The following LPAR3 variants were observed in gnomAD, a reference collection of about 807,000 sequenced individuals.
The protein encoded by LPAR3 is LPA receptor 3.
LPAR3 carries 7 observed loss-of-function variants against 17.8 expected under a neutral mutation model. The ratio of observed to expected loss-of-function variants is 0.39; its 90% CI spans 0.22 to 0.74. LPAR3 has a LOEUF of 0.74. LPAR3 is among the 30% of genes least tolerant of loss of function. LPAR3 has a pLI of 0.40. For missense variants in LPAR3, 391 were observed against 453.4 expected, an observed-to-expected ratio of 0.86 and a Z score of 1.25; for synonymous variants, 179 against 179.9, an observed-to-expected ratio of 0.99 and a Z score of 0.04.
At chr1:84,819,511 C>A (rs1244850394) in intron 2 of LPAR3, among the ~76,000 whole-genome samples, 1 of 152,100 alleles carries the variant, frequency 6.6e-6, no homozygotes, top group Non-Finnish European at 1.5e-5. Flanking sequence ...CCTATTTCTC[C>A]ATGCTGACCC....
chr1:84,864,390 A>G (rs1660001157), intron 2 of LPAR3, among the ~76,000 whole-genome samples: 1 of 152,198 alleles, frequency 6.6e-6, no homozygotes, highest in Non-Finnish European at 1.5e-5. Flanking sequence ...TAGGATATAA[A>G]TAACTCCCAC....
At chr1:84,876,608 G>A (rs569754265) in intron 1 of LPAR3, among the ~76,000 whole-genome samples, 1 of 151,982 alleles carries the variant, frequency 6.6e-6, no homozygotes, top group Non-Finnish European at 1.5e-5. Flanking sequence ...TCTCTTGTTG[G>A]TTTCTACGAT....
chr1:84,874,869 C>T (rs1020035199), intron 1 of LPAR3, among the ~76,000 whole-genome samples: 1 of 151,066 alleles, frequency 6.6e-6, no homozygotes, highest in African/African-American at 2.4e-5. Flanking sequence ...ATTTCAGTAG[C>T]TTTACTGTTT....
intron 2 of LPAR3, among the ~76,000 whole-genome samples, chr1:84,847,003 T>C (rs2102757021): frequency 6.6e-6 from 1 of 152,284 alleles, no homozygotes; most frequent in African/African-American, 2.4e-5. Context: ...AGAAATTATA[T>C]CTTATGTTCC....
intron 1 of LPAR3, among the ~76,000 whole-genome samples, chr1:84,891,458 G>T (rs80123147): frequency 6.6e-6 from 1 of 152,134 alleles, no homozygotes; most frequent in Non-Finnish European, 1.5e-5. Flanking sequence ...TTGCTCGCTC[G>T]TCTTTTTAGT....
At chr1:84,859,826 C>T (rs1659903117) in intron 2 of LPAR3, among the ~76,000 whole-genome samples, 1 of 152,202 alleles carries the variant, frequency 6.6e-6, no homozygotes, top group Non-Finnish European at 1.5e-5. Flanking sequence ...AAAGCAAAGT[C>T]CAGCCCATTT....
intron 2 of LPAR3, among the ~76,000 whole-genome samples, chr1:84,861,678 G>T (rs1043594253): frequency 1.3e-5 from 2 of 152,156 alleles, no homozygotes; most frequent in African/African-American, 4.8e-5. Flanking sequence ...ACACCACCTA[G>T]CTCTTGAGTT....
At chr1:84,852,153 C>T (rs753131313) in intron 2 of LPAR3, among the ~76,000 whole-genome samples, 7 of 151,108 alleles carry the variant, frequency 4.6e-5, no homozygotes, top group East Asian at 3.9e-4. Flanking sequence ...TGGGCCCAAG[C>T]GATTTTCCTG....
intron 2 of LPAR3, among the ~76,000 whole-genome samples, chr1:84,852,179 C>T (rs1165938069): frequency 6.6e-6 from 1 of 151,576 alleles, no homozygotes; most frequent in African/African-American, 2.4e-5. Context: ...GCCTCCCGGG[C>T]CCAAGCGATT....
At chr1:84,873,576 T>C (rs1660197935) in intron 1 of LPAR3, among the ~76,000 whole-genome samples, 1 of 152,188 alleles carries the variant, frequency 6.6e-6, no homozygotes, top group African/African-American at 2.4e-5. Flanking sequence ...TCTGATATTC[T>C]TGGATAAAGC....
chr1:84,818,822 T>C (rs772927926), intron 2 of LPAR3, among the ~76,000 whole-genome samples: 1 of 152,242 alleles, frequency 6.6e-6, no homozygotes, highest in Non-Finnish European at 1.5e-5. Context: ...ATTGTTTAGA[T>C]TGATCTGTTT....
intron 2 of LPAR3, among the ~76,000 whole-genome samples, chr1:84,836,777 G>A (rs983857289): frequency 6.6e-6 from 1 of 152,028 alleles, no homozygotes; most frequent in African/African-American, 2.4e-5. Flanking sequence ...AGAAGACTAA[G>A]GCTAAGTAAA....
intron 1 of LPAR3, among the ~76,000 whole-genome samples, chr1:84,891,568 T>C (rs1365584911): frequency 2.0e-5 from 3 of 152,356 alleles, no homozygotes; most frequent in South Asian, 2.1e-4. Flanking sequence ...CTCTGTTTAC[T>C]GGACTCAGGC....
intron 2 of LPAR3, among the ~76,000 whole-genome samples, chr1:84,817,260 A>AACACACAC (rs1553146252): frequency 1.5e-5 from 1 of 64,648 alleles, no homozygotes; most frequent in African/African-American, 9.6e-5. Flanking sequence ...TCCAGGATCT[A>AACACACAC]TCACACACAC....
chr1:84,817,553 C>T lies in LPAR3; in HGVS notation c.737-3382G>A, dbSNP rs371361269. Among the ~76,000 whole-genome samples the T allele has an allele frequency of 1.1e-3, 160 of 152,206 alleles. 3 individuals are homozygous for T. In the South Asian group the frequency reaches 0.026, roughly 25 times the overall value. On this transcript the variant is annotated intron_variant, in intron 2 of 2. Transcript: ENST00000370611. The stretch of plus-strand genomic sequence containing the variant: ...AACAGCTGTTTCCCAGGGTCACTGC[C>T]GGGGAGCATCTGCTTAAGGCAACAT...
intron 2 of LPAR3, among the ~76,000 whole-genome samples, chr1:84,864,999 C>A (rs1396588958): frequency 2.6e-5 from 4 of 151,982 alleles, no homozygotes; most frequent in Non-Finnish European, 4.4e-5. Flanking sequence ...CCCCAGACAC[C>A]AGTATGGTTC....
Position 84,880,445 on chromosome 1 carries a change from T to C in LPAR3, c.-19+12571A>G, listed in dbSNP as rs147883123. On this transcript the variant is annotated intron_variant, in intron 1 of 2. Coordinates refer to ENST00000370611, the MANE Select transcript of LPAR3 (RefSeq NM_012152.3). ...CCGTGTAGCTCCAAAGAGTAGAAAA[T>C]AGTATTACCACTTGCAGCCTATCTC... is the stretch of plus-strand genomic sequence containing the variant. Among the ~76,000 whole-genome samples the C allele has an allele frequency of 1.1e-4, 17 of 152,100 alleles. 1 individual carries two copies. Among genetic ancestry groups the C allele is most frequent in the South Asian group, 8.3e-4 (4 of 4,806 alleles).
chr1:84,823,649 C>G (rs1206696534), intron 2 of LPAR3, among the ~76,000 whole-genome samples: 1 of 152,292 alleles, frequency 6.6e-6, no homozygotes, highest in South Asian at 2.1e-4. Context: ...CCAGCTAGAA[C>G]CACTGCCTAG....
intron 1 of LPAR3, among the ~76,000 whole-genome samples, chr1:84,869,171 G>A (rs1469243157): frequency 2.0e-5 from 3 of 152,040 alleles, no homozygotes; most frequent in Admixed American, 6.6e-5. Flanking sequence ...ACATGTGGTC[G>A]AATTTTTAAT....
Sources: gnomAD v4.1 joint callset for allele counts (sites outside exome capture counted in the v4.1 genomes callset) on GRCh38, gnomAD v4.1.1 for gene constraint, MANE v1.5 for transcripts, NCBI Gene and HGNC (gene_info 2026-07-23, HGNC 2026-07-21) for gene names.